The following KIAA1328 variants were observed in gnomAD, a reference collection of about 807,000 sequenced individuals.
KIAA1328 encodes protein hinderin.
In KIAA1328, 52 loss-of-function variants were observed where a neutral mutation model predicts 68.1. That is an observed-to-expected ratio of 0.76 (90% confidence interval 0.61 to 0.96). The LOEUF (loss-of-function observed/expected upper bound fraction) is 0.96, where lower values mean the gene tolerates loss of function less well. Among genes scored for constraint, KIAA1328 ranks in the 40% least tolerant of loss-of-function variants. The probability of loss-of-function intolerance (pLI) is 0.00; values close to 1 mark genes in which losing one functional copy is unlikely to be tolerated. For synonymous variants in KIAA1328, 232 were observed against 239.4 expected, an observed-to-expected ratio of 0.97 and a Z score of 0.28; for missense variants, 641 against 677.6, an observed-to-expected ratio of 0.95 and a Z score of 0.60.
At chr18:37,119,415 C>T (rs2058209816) in intron 7 of KIAA1328, among the ~76,000 whole-genome samples, 1 of 152,100 alleles carries the variant, frequency 6.6e-6, no homozygotes, top group African/African-American at 2.4e-5. Context: ...TATTTTCTCA[C>T]AGTTAGGCAG....
At chr18:37,164,789 G>T (rs2154212301) in intron 8 of KIAA1328, among the ~76,000 whole-genome samples, 1 of 152,188 alleles carries the variant, frequency 6.6e-6, no homozygotes, top group African/African-American at 2.4e-5. Context: ...TAGGAGTCAA[G>T]AAAATATGGA....
intron 7 of KIAA1328, among the ~76,000 whole-genome samples, chr18:37,093,308 A>G (rs1599237034): frequency 6.6e-6 from 1 of 152,198 alleles, no homozygotes; most frequent in East Asian, 1.9e-4. Context: ...CAAGGAAAGG[A>G]AATTATGAAA....
intron 5 of KIAA1328, among the ~76,000 whole-genome samples, chr18:36,901,203 A>C (rs1169231677): frequency 6.6e-6 from 1 of 151,970 alleles, no homozygotes; most frequent in Non-Finnish European, 1.5e-5. Context: ...TTCTTTAGTC[A>C]CTTAACCCTG....
At chr18:36,838,638 T>C (rs1428939695) in intron 3 of KIAA1328, among the ~76,000 whole-genome samples, 1 of 152,238 alleles carries the variant, frequency 6.6e-6, no homozygotes, top group Non-Finnish European at 1.5e-5. Flanking sequence ...TCATTTTTAT[T>C]CCTCCTTATT....
intron 9 of KIAA1328, among the ~76,000 whole-genome samples, chr18:37,201,865 A>G (rs2060120721): frequency 6.6e-6 from 1 of 152,182 alleles, no homozygotes; most frequent in Non-Finnish European, 1.5e-5. Context: ...GTATCAGGGA[A>G]CTGTATTGAC....
At chr18:36,906,224 A>G (rs963815226) in intron 5 of KIAA1328, among the ~76,000 whole-genome samples, 16 of 152,148 alleles carry the variant, frequency 1.1e-4, no homozygotes, top group African/African-American at 3.9e-4. Context: ...TTCCTACACT[A>G]AGATTCACTT....
At chr18:37,190,607 G>A (rs183780780) in intron 9 of KIAA1328, among the ~76,000 whole-genome samples, 3 of 152,296 alleles carry the variant, frequency 2.0e-5, no homozygotes, top group Non-Finnish European at 4.4e-5. Context: ...GGGATCCAGA[G>A]TTTGAGCTAA....
At chr18:36,999,654 C>T (rs374781738) in intron 6 of KIAA1328, among the ~76,000 whole-genome samples, 45 of 152,188 alleles carry the variant, frequency 3.0e-4, no homozygotes, top group African/African-American at 1.0e-3. Flanking sequence ...AAACCTGTCA[C>T]CTGGGACTGC....
chr18:37,187,912 A>G (rs1410524634), intron 9 of KIAA1328, among the ~76,000 whole-genome samples: 3 of 152,194 alleles, frequency 2.0e-5, no homozygotes, highest in African/African-American at 7.2e-5. Context: ...AAGTCTGGAA[A>G]CATCTGCCTG....
intron 6 of KIAA1328, among the ~76,000 whole-genome samples, chr18:36,960,511 A>G (rs1308796459): frequency 1.3e-5 from 2 of 152,170 alleles, no homozygotes; most frequent in Non-Finnish European, 2.9e-5. Context: ...CCTCAAGTGG[A>G]TCCCTGACCA....
At chr18:36,926,904 G>C (rs2050138377) in intron 5 of KIAA1328, among the ~76,000 whole-genome samples, 1 of 152,146 alleles carries the variant, frequency 6.6e-6, no homozygotes, top group African/African-American at 2.4e-5. Context: ...GCCTCAGGAA[G>C]CTTACAGTCA....
chr18:37,118,964 C>T (rs2058196358), intron 7 of KIAA1328, among the ~76,000 whole-genome samples: 2 of 152,200 alleles, frequency 1.3e-5, no homozygotes. Context: ...AAAGACATTT[C>T]ACCATTTTCT....
intron 5 of KIAA1328, among the ~76,000 whole-genome samples, chr18:36,906,096 T>G (rs1324813910): frequency 6.6e-6 from 1 of 152,168 alleles, no homozygotes; most frequent in Non-Finnish European, 1.5e-5. Flanking sequence ...AAAGTTAACT[T>G]AGGTCAACAG....
At chr18:36,995,004 T>TG (rs2053334083) in intron 6 of KIAA1328, among the ~76,000 whole-genome samples, 2 of 152,070 alleles carry the variant, frequency 1.3e-5, no homozygotes. Context: ...ATGTGCAGAA[T>TG]GTGCAGTTTT....
intron 9 of KIAA1328, among the ~76,000 whole-genome samples, chr18:37,206,950 C>T (rs2060227499): frequency 6.6e-6 from 1 of 152,096 alleles, no homozygotes; most frequent in East Asian, 1.9e-4. Flanking sequence ...GAATTCTTTT[C>T]CAAGCTACAT....
At position 36,891,495 on chromosome 18, in the gene KIAA1328, A is replaced by T. The variant is rs1406755933; in HGVS notation, c.448+5823A>T. Among the ~76,000 whole-genome samples the T allele has an allele frequency of 3.3e-5, 5 of 152,268 alleles. No homozygotes were observed. The East Asian group carries it at 9.7e-4, about 29-fold the overall frequency. On this transcript the variant is annotated intron_variant, in intron 5 of 9. Coordinates refer to ENST00000280020, the MANE Select transcript of KIAA1328 (RefSeq NM_020776.3). ...CTCTGCTGAGTCCCCAAAGTCCGTT[A>T]TATCATTCTTATGCCTTTGCAGCCT...
At chr18:36,887,278 A>T (rs563547189) in intron 5 of KIAA1328, among the ~76,000 whole-genome samples, 1 of 151,982 alleles carries the variant, frequency 6.6e-6, no homozygotes, top group African/African-American at 2.4e-5. Flanking sequence ...TTACTCTTCT[A>T]CTTGAGGAGT....
intron 6 of KIAA1328, among the ~76,000 whole-genome samples, chr18:36,995,441 T>C (rs1598922440): frequency 6.6e-6 from 1 of 152,198 alleles, no homozygotes; most frequent in African/African-American, 2.4e-5. Flanking sequence ...TCACCCACTT[T>C]CTAACATTCA....
chr18:37,008,834 A>G (rs1411617509), intron 6 of KIAA1328, among the ~76,000 whole-genome samples: 2 of 152,188 alleles, frequency 1.3e-5, no homozygotes, highest in Non-Finnish European at 2.9e-5. Flanking sequence ...AGATAGGTCA[A>G]TAGAAACTTA....
Sources: allele counts gnomAD v4.1 joint callset (sites outside exome capture counted in the v4.1 genomes callset), GRCh38; gene constraint gnomAD v4.1.1; transcripts MANE v1.5; gene names NCBI Gene and HGNC (gene_info 2026-07-23, HGNC 2026-07-21).